GMDS: variants seen among roughly 807,000 people sequenced by gnomAD.
GMDS encodes the protein GDP-mannose 4,6 dehydratase.
Under a neutral mutation model 49.9 loss-of-function variants are expected in GMDS, and 20 were observed. The ratio of observed to expected loss-of-function variants is 0.40; its 90% CI spans 0.28 to 0.58. The LOEUF is 0.58. GMDS is among the 20% of genes least tolerant of loss of function. GMDS has a pLI of 0.42. For synonymous variants in GMDS, 177 were observed against 178.6 expected (o/e 0.99, Z 0.07); for missense variants, 362 against 481.4 (o/e 0.75, Z 2.32).
At chr6:2,238,631 G>C (rs1266843403) in intron 1 of GMDS, among the ~76,000 whole-genome samples, 2 of 152,024 alleles carry the variant, frequency 1.3e-5, no homozygotes, top group Admixed American at 1.3e-4. Context: ...TACATGCCAG[G>C]AACAGTGATA....
intron 9 of GMDS, among the ~76,000 whole-genome samples, chr6:1,721,188 G>A (rs192404122): frequency 2.6e-5 from 4 of 152,118 alleles, no homozygotes; most frequent in Admixed American, 2.0e-4. Context: ...AAAAGTTTGC[G>A]GGGGGTGGGG....
intron 4 of GMDS, among the ~76,000 whole-genome samples, chr6:2,014,070 G>T (rs1227339703): frequency 6.8e-6 from 1 of 146,826 alleles, no homozygotes; most frequent in Non-Finnish European, 1.5e-5. Flanking sequence ...AGTATTAAAA[G>T]AAAAACACCC....
chr6:1,937,739 C>T (rs780420530), intron 6 of GMDS, among the ~76,000 whole-genome samples: 14 of 152,200 alleles, frequency 9.2e-5, no homozygotes, highest in Admixed American at 2.0e-4. Context: ...CCAGGATGAT[C>T]CCTTCATCTC....
At position 1,833,507 on chromosome 6, in the gene GMDS, T is replaced by C. The variant is rs1396348843; in HGVS notation, c.772-90921A>G. On this transcript the variant is annotated intron_variant, in intron 7 of 10. Transcript: ENST00000380815. The surrounding 1 kb of genome is among the most constrained non-coding windows in gnomAD (Gnocchi z 4.4). ...GAATGCAGCACACATTTTTAAAACTTTTTTTTTTTGCCTTTTCTTCCTTTC... is the reference window on the plus strand; with the variant it reads ...GAATGCAGCACACATTTTTAAAACTCTTTTTTTTTGCCTTTTCTTCCTTTC... Among the ~76,000 whole-genome samples the C allele has an allele frequency of 2.7e-5, 4 of 149,664 alleles. No homozygotes were observed. Among genetic ancestry groups the C allele is most frequent in the Non-Finnish European group, 5.9e-5 (4 of 67,270 alleles).
intron 4 of GMDS, among the ~76,000 whole-genome samples, chr6:1,967,418 A>G (rs1764324359): frequency 1.3e-5 from 2 of 152,210 alleles, no homozygotes. Context: ...CAAAAACACA[A>G]AAACCAGTAG....
At chr6:1,966,481 G>C (rs1016594208) in intron 4 of GMDS, among the ~76,000 whole-genome samples, 2 of 151,784 alleles carry the variant, frequency 1.3e-5, no homozygotes, top group African/African-American at 2.4e-5. Flanking sequence ...CTTTCCACTC[G>C]ATTGGCATCA....
At chr6:1,751,817 A>G (rs2113522582) in intron 7 of GMDS, among the ~76,000 whole-genome samples, 1 of 152,220 alleles carries the variant, frequency 6.6e-6, no homozygotes, top group South Asian at 2.1e-4. Context: ...AAGGAAAACT[A>G]ACAGAAAGAA....
At chr6:2,110,562 C>T (rs1472967774) in intron 4 of GMDS, among the ~76,000 whole-genome samples, 1 of 152,124 alleles carries the variant, frequency 6.6e-6, no homozygotes, top group Non-Finnish European at 1.5e-5. Context: ...ACTGGCATCC[C>T]AAGCTTGAAG....
chr6:1,743,358 G>A (rs535114326), intron 7 of GMDS, among the ~76,000 whole-genome samples: 25 of 150,342 alleles, frequency 1.7e-4, no homozygotes, highest in East Asian at 8.0e-4. Context: ...TCGAGACCAC[G>A]GGGAAACCCC....
At chr6:1,685,054 G>A (rs1450095020) in intron 9 of GMDS, among the ~76,000 whole-genome samples, 3 of 151,052 alleles carry the variant, frequency 2.0e-5, no homozygotes, top group Admixed American at 6.6e-5. Flanking sequence ...TAAAAAAAAG[G>A]TAGACTTAAT....
intron 4 of GMDS, among the ~76,000 whole-genome samples, chr6:2,025,984 G>A (rs1421480860): frequency 6.6e-6 from 1 of 152,084 alleles, no homozygotes; most frequent in African/African-American, 2.4e-5. Context: ...ATAGTCCTTA[G>A]AACTTTTTTA....
At chr6:2,047,956 T>TTCCA (rs1770124326) in intron 4 of GMDS, among the ~76,000 whole-genome samples, 1 of 152,224 alleles carries the variant, frequency 6.6e-6, no homozygotes, top group Non-Finnish European at 1.5e-5. Flanking sequence ...TACTTTTAGA[T>TTCCA]GAAGCTATAT....
intron 1 of GMDS, among the ~76,000 whole-genome samples, chr6:2,156,634 G>A (rs1157632440): frequency 6.6e-6 from 1 of 151,824 alleles, no homozygotes; most frequent in Admixed American, 6.6e-5. Context: ...TTCAAAATAT[G>A]ACCAACAAAG....
At chr6:1,655,475 TTA>T (rs1561703722) in intron 9 of GMDS, among the ~76,000 whole-genome samples, 19 of 100,024 alleles carry the variant, frequency 1.9e-4, no homozygotes, top group African/African-American at 6.2e-4. Flanking sequence ...TTTGAAAGCC[TTA>T]CACACACACA....
chr6:2,126,894 A>G (rs1581686804), intron 1 of GMDS, among the ~76,000 whole-genome samples: 2 of 152,336 alleles, frequency 1.3e-5, no homozygotes, highest in East Asian at 3.9e-4. Flanking sequence ...TGGGCCTCCC[A>G]AAGGCTGAGA....
chr6:1,845,154 C>T (rs1237247987), intron 7 of GMDS, among the ~76,000 whole-genome samples: 1 of 152,196 alleles, frequency 6.6e-6, no homozygotes, highest in Non-Finnish European at 1.5e-5. Flanking sequence ...CAGCATTTTA[C>T]ATCTGAGATT....
intron 9 of GMDS, among the ~76,000 whole-genome samples, chr6:1,667,880 T>C (rs1764284915): frequency 6.6e-6 from 1 of 152,180 alleles, no homozygotes; most frequent in Non-Finnish European, 1.5e-5. Context: ...ACATATTTAC[T>C]GTCCTGGTTA....
chr6:1,722,647 G>A (rs1283499867), intron 9 of GMDS, among the ~76,000 whole-genome samples: 1 of 152,076 alleles, frequency 6.6e-6, no homozygotes, highest in African/African-American at 2.4e-5. Flanking sequence ...TAAAAATGAG[G>A]GAACAGAGGC....
intron 7 of GMDS, among the ~76,000 whole-genome samples, chr6:1,776,504 A>G (rs747263431): frequency 1.8e-4 from 27 of 151,208 alleles, no homozygotes; most frequent in Non-Finnish European, 3.5e-4. Flanking sequence ...CCTTGGCAAC[A>G]TGGCAAGACT....
Sources: allele counts gnomAD v4.1 joint callset (sites outside exome capture counted in the v4.1 genomes callset), GRCh38; gene constraint gnomAD v4.1.1; non-coding constraint Gnocchi (gnomAD v3.1); transcripts MANE v1.5; gene names NCBI Gene and HGNC (gene_info 2026-07-23, HGNC 2026-07-21).